TRMT11: variants seen among roughly 807,000 people sequenced by gnomAD.
TRMT11 encodes the protein tRNA (guanine(10)-N(2))-methyltransferase TRMT11.
In TRMT11, 53 loss-of-function variants were observed where a neutral mutation model predicts 62.8. That is an observed-to-expected ratio of 0.84 (90% CI 0.68 to 1.06). The LOEUF is 1.06. TRMT11 is among the 50% of genes least tolerant of loss of function. The pLI, the probability that TRMT11 is intolerant of heterozygous loss-of-function variation, is 0.00. For missense variants in TRMT11, 556 were observed against 553.4 expected (o/e 1.00, Z -0.05); for synonymous variants, 188 against 190.3 (o/e 0.99, Z 0.10).
the TRMT11 span, among the ~76,000 whole-genome samples, chr6:126,241,776 G>T: frequency 9.2e-5 from 14 of 152,278 alleles, no homozygotes; most frequent in South Asian, 2.9e-3. Context: ...AATAAATTAG[G>T]TATTGTTGGG....
At chr6:126,100,699 T>C (rs1010420212) in intron 17 of TRMT11, among the ~76,000 whole-genome samples, 2 of 152,316 alleles carry the variant, frequency 1.3e-5, no homozygotes. Context: ...TTGTGGAAGG[T>C]AATTTTTCCA....
intron 1 of TRMT11, among the ~76,000 whole-genome samples, chr6:126,187,704 A>G (rs1254442008): frequency 6.6e-6 from 1 of 151,998 alleles, no homozygotes; most frequent in African/African-American, 2.4e-5. Flanking sequence ...GACTTATGCT[A>G]CCTTATTTTA....
At chr6:126,139,907 A>G (rs1417358424) in intron 21 of TRMT11, among the ~76,000 whole-genome samples, 3 of 151,910 alleles carry the variant, frequency 2.0e-5, no homozygotes, top group Non-Finnish European at 4.4e-5. Context: ...TCTGATTCTT[A>G]TATCTGATTT....
chr6:126,263,517 C>A, the TRMT11 span, among the ~76,000 whole-genome samples: 1 of 152,150 alleles, frequency 6.6e-6, no homozygotes, highest in African/African-American at 2.4e-5. Flanking sequence ...CTATGTGGAT[C>A]CAGATGTATC....
rs78012697 is a variant in TRMT11 at position 126,158,138 on chromosome 6, T to G, written c.*1824-16687T>G. On this transcript the variant is annotated intron_variant and NMD_transcript_variant, in intron 21 of 22. Coordinates refer to the TRMT11 transcript ENST00000648977. ...CTTGTATGTGTGTGTATGTTTAGTT[T>G]GAACATTTATATAAGTCCACTCCTA... Among the ~76,000 whole-genome samples, 1,433 of 152,340 alleles carry G rather than the reference T, an allele frequency of 9.4e-3. 14 individuals carry two copies. Among genetic ancestry groups the G allele is most frequent in the Non-Finnish European group, 0.015 (1,031 of 68,032 alleles).
the TRMT11 span, among the ~76,000 whole-genome samples, chr6:126,261,938 A>T: frequency 6.6e-6 from 1 of 152,150 alleles, no homozygotes; most frequent in Non-Finnish European, 1.5e-5. Context: ...GTCCTACGGT[A>T]GTCTGTCTAG....
intron 21 of TRMT11, among the ~76,000 whole-genome samples, chr6:126,131,343 G>A (rs1040027261): frequency 6.6e-6 from 1 of 152,014 alleles, no homozygotes; most frequent in East Asian, 1.9e-4. Context: ...CTGATCTGGG[G>A]CTTAGCAGTA....
intron 16 of TRMT11, among the ~76,000 whole-genome samples, chr6:126,046,939 A>G (rs1429183480): frequency 1.3e-5 from 2 of 152,170 alleles, no homozygotes; most frequent in African/African-American, 4.8e-5. Flanking sequence ...CTTTAAGGCT[A>G]CAGAAACCTA....
chr6:126,154,744 G>A lies in TRMT11; in HGVS notation c.*1824-20081G>A, dbSNP rs115134599. Among the ~76,000 whole-genome samples the A allele has an allele frequency of 9.2e-3, 1,408 of 152,290 alleles. 24 individuals carry two copies. The highest frequency in any genetic ancestry group is 0.032 in the African/African-American group (1,346 of 41,540). On this transcript the variant is annotated intron_variant and NMD_transcript_variant, in intron 21 of 22. Transcript: ENST00000648977. ...CATTTCCAATCAGGCAGTGAGGCAG[G>A]GACATGACTTTGATTTTTTTGTTGT...
At chr6:126,008,553 A>G in intron 8 of TRMT11, 81 bp downstream of exon 8, 3 of 1,238,140 alleles carry the variant, frequency 2.4e-6, no homozygotes, top group South Asian at 2.4e-5. Flanking sequence ...ACCCTGGAAG[A>G]ACACAAGTTT....
intron 21 of TRMT11, among the ~76,000 whole-genome samples, chr6:126,116,448 A>G (rs1369167039): frequency 6.6e-6 from 1 of 152,100 alleles, no homozygotes; most frequent in East Asian, 1.9e-4. Context: ...TATTAATAAT[A>G]CAAATCTTCT....
the TRMT11 span, among the ~76,000 whole-genome samples, chr6:126,214,415 T>C: frequency 6.6e-6 from 1 of 152,032 alleles, no homozygotes; most frequent in Non-Finnish European, 1.5e-5. Context: ...ATCTTGTTGC[T>C]TGTTATTAAT....
the TRMT11 span, among the ~76,000 whole-genome samples, chr6:126,235,245 G>A: frequency 9.1e-4 from 138 of 152,212 alleles, no homozygotes; most frequent in African/African-American, 2.8e-3. Context: ...ATGCTTTTAC[G>A]CTGTTTGTGG....
At chr6:126,251,432 T>C in the TRMT11 span, among the ~76,000 whole-genome samples, 1 of 152,218 alleles carries the variant, frequency 6.6e-6, no homozygotes, top group African/African-American at 2.4e-5. Flanking sequence ...TAAAAGCTAA[T>C]TAATATACTC....
In TRMT11 at chr6:125,998,583, A is replaced by T. The variant is rs546952824; in HGVS notation, c.421A>T (p.Asn141Tyr). 49 of 1,613,316 alleles carry T rather than the reference A, an allele frequency of 3.0e-5. No homozygotes were observed. The South Asian group carries it at 4.9e-4, about 16-fold the overall frequency. Residue 141 changes from asparagine (N) to tyrosine (Y), a missense_variant, in exon 6 of 13, where the codon AAT becomes TAT. Physicochemically the swap from Asn to Tyr is moderately radical, Grantham distance 143. Transcript: ENST00000334379. ...ATTTCTGCCATTTGAAGGAAAAGTG[A>T]ATTTAAAGAAACCGCAACATGTATT... The part of the protein sequence containing the change: ...LEFLPFEGKV[N>Y]LKKPQHVFSV...
At chr6:126,105,264 T>G (rs1777450846) in intron 17 of TRMT11, among the ~76,000 whole-genome samples, 1 of 152,164 alleles carries the variant, frequency 6.6e-6, no homozygotes. Context: ...TCCTCCCTCC[T>G]GCTCCATCAT....
chr6:126,135,944 T>G (rs1583885514), intron 21 of TRMT11, among the ~76,000 whole-genome samples: 1 of 151,884 alleles, frequency 6.6e-6, no homozygotes, highest in African/African-American at 2.4e-5. Flanking sequence ...CATCCCTTTA[T>G]GATAAAAACC....
chr6:126,138,977 T>C (rs1000567572), intron 21 of TRMT11, among the ~76,000 whole-genome samples: 1 of 152,040 alleles, frequency 6.6e-6, no homozygotes, highest in Non-Finnish European at 1.5e-5. Context: ...TTAAAAACTT[T>C]AGTAAGTCAG....
intron 17 of TRMT11, among the ~76,000 whole-genome samples, chr6:126,096,856 C>A (rs1777346914): frequency 6.6e-6 from 1 of 152,116 alleles, no homozygotes; most frequent in Non-Finnish European, 1.5e-5. Context: ...TAAGTTCATT[C>A]AACTTTCTTG....
Sources: allele counts gnomAD v4.1 joint callset (sites outside exome capture counted in the v4.1 genomes callset), GRCh38; gene constraint gnomAD v4.1.1; transcripts MANE v1.5; gene names NCBI Gene and HGNC (gene_info 2026-07-23, HGNC 2026-07-21).